Variants in CAMTA1 observed in about 807,000 individuals in gnomAD.
The protein encoded by CAMTA1 is calmodulin binding transcription activator 1.
In CAMTA1, 27 loss-of-function variants were observed where a neutral mutation model predicts 170.9. The ratio of observed to expected loss-of-function variants is 0.16; its 90% CI spans 0.12 to 0.22. The LOEUF is 0.22. CAMTA1 is among the 10% of genes least tolerant of loss of function. CAMTA1 has a pLI of 1.00. For synonymous variants in CAMTA1, 833 were observed against 891.5 expected (o/e 0.93, Z 1.17); for missense variants, 1,619 against 2,217.2 (o/e 0.73, Z 5.42).
At chr1:7,141,122 A>G (rs1313611686) in intron 4 of CAMTA1, among the ~76,000 whole-genome samples, 4 of 152,096 alleles carry the variant, frequency 2.6e-5, no homozygotes, top group Non-Finnish European at 5.9e-5. Flanking sequence ...CCCTCTGTAT[A>G]TGGTGCTGTC....
intron 6 of CAMTA1, among the ~76,000 whole-genome samples, chr1:7,601,844 G>C (rs2095446281): frequency 6.6e-6 from 1 of 152,066 alleles, no homozygotes; most frequent in South Asian, 2.1e-4. Context: ...GGCAGGCTGA[G>C]GCAGGAGAAT....
rs563990370 is a variant in CAMTA1 at position 7,241,923 on chromosome 1, A to G, written c.303-7568A>G. On this transcript the variant is annotated intron_variant, in intron 4 of 22. Transcript: ENST00000303635. ...CCTTAGATGAGACTAAGTACTATTC[A>G]TAAAAGAAAAAATTGATAAATTGGA... 1.2e-3 allele frequency among the ~76,000 whole-genome samples: 189 copies of G among 152,340 alleles called. 1 individual carries two copies. The highest frequency in any genetic ancestry group is 4.3e-3 in the African/African-American group (180 of 41,576).
At chr1:6,884,996 CTCTT>C (rs1450660074) in intron 3 of CAMTA1, among the ~76,000 whole-genome samples, 2 of 152,196 alleles carry the variant, frequency 1.3e-5, no homozygotes, top group African/African-American at 4.8e-5. Flanking sequence ...TTCTTAAACT[CTCTT>C]TATTCTAATT....
chr1:7,343,249 G>A (rs1247925423), intron 5 of CAMTA1, among the ~76,000 whole-genome samples: 1 of 152,182 alleles, frequency 6.6e-6, no homozygotes, highest in Non-Finnish European at 1.5e-5. Context: ...TTGGGGTGTG[G>A]GAGGGGAAGG....
intron 5 of CAMTA1, among the ~76,000 whole-genome samples, chr1:7,371,676 G>A (rs774137444): frequency 5.3e-5 from 8 of 152,194 alleles, no homozygotes; most frequent in Non-Finnish European, 1.0e-4. Flanking sequence ...GGAATGGCCC[G>A]GCCTCTGTGG....
At chr1:7,329,917 T>C (rs2301461) in intron 5 of CAMTA1, among the ~76,000 whole-genome samples, 112,764 of 152,084 alleles carry the variant, frequency 0.74, 42,686 homozygotes, top group African/African-American at 0.88. Flanking sequence ...CAAAAAGATA[T>C]GCAGTAAGAA....
chr1:7,277,049 C>T (rs1221587224), intron 5 of CAMTA1, among the ~76,000 whole-genome samples: 1 of 152,132 alleles, frequency 6.6e-6, no homozygotes, highest in Non-Finnish European at 1.5e-5. Context: ...TAACACATTG[C>T]TGACAGAAAT....
At chr1:7,310,678 TTCTCTCTCTCTCTCTCTC>T (rs70984069) in intron 5 of CAMTA1, among the ~76,000 whole-genome samples, 3 of 34,608 alleles carry the variant, frequency 8.7e-5, no homozygotes, top group Admixed American at 3.8e-4. Context: ...TTTCCTTTCT[TTCTCTCTCTCTCTCTCTC>T]TCTCTCTTTC....
chr1:6,899,554 G>GCTCACA (rs1306510241), intron 3 of CAMTA1, among the ~76,000 whole-genome samples: 6 of 141,086 alleles, frequency 4.3e-5, no homozygotes, highest in African/African-American at 7.7e-5. Flanking sequence ...ACGCGCGCGC[G>GCTCACA]CACACACACA....
chr1:7,554,783 G>A (rs905153294), intron 6 of CAMTA1, among the ~76,000 whole-genome samples: 6 of 151,918 alleles, frequency 3.9e-5, no homozygotes, highest in Non-Finnish European at 7.4e-5. Context: ...CCAGTTCCTG[G>A]AACCCCTTAT....
intron 6 of CAMTA1, among the ~76,000 whole-genome samples, chr1:7,480,392 T>TGA (rs763358423): frequency 1.3e-5 from 2 of 151,374 alleles, no homozygotes; most frequent in East Asian, 3.9e-4. Flanking sequence ...TGTGCGTATA[T>TGA]GAGAGTGTGT....
In CAMTA1 at chr1:7,663,544, C is replaced by T. The variant is rs1333593251; in HGVS notation, c.997C>T (p.Pro333Ser). The T allele has an allele frequency of 1.2e-6, 2 of 1,607,178 alleles. No homozygotes were observed. The highest frequency in any genetic ancestry group is 1.7e-6 in the Non-Finnish European group (2 of 1,174,398). Reference sequence around the variant, plus strand: ...GAAGAGGAACGGCAAGGTGGCCAAGCCCGTGCTCCTGCACCAGAGCAGCAC... The same window carrying T: ...GAAGAGGAACGGCAAGGTGGCCAAGTCCGTGCTCCTGCACCAGAGCAGCAC... The part of the protein sequence containing the change: ...REKRNGKVAK[P>S]VLLHQSSTEV... The change falls in exon 9 of 23, where the codon CCC becomes TCC. Residue 333 changes from proline to serine, a missense_variant. Around this residue, in one of 8 missense-constraint regions of CAMTA1, gnomAD observed 731 missense variants for 907.6 expected, o/e 0.81. Transcript: ENST00000303635.
intron 4 of CAMTA1, among the ~76,000 whole-genome samples, chr1:7,149,508 C>T (rs1646440842): frequency 6.6e-6 from 1 of 152,326 alleles, no homozygotes; most frequent in East Asian, 1.9e-4. Flanking sequence ...TCGTAACGGC[C>T]GTGTGGCCGC....
chr1:6,916,391 G>A (rs570363950), intron 3 of CAMTA1, among the ~76,000 whole-genome samples: 5 of 152,258 alleles, frequency 3.3e-5, no homozygotes, highest in South Asian at 4.1e-4. Flanking sequence ...TGTAAGGCCC[G>A]CCCCACCTCT....
chr1:7,024,802 G>A (rs1701817915), intron 3 of CAMTA1, among the ~76,000 whole-genome samples: 1 of 152,178 alleles, frequency 6.6e-6, no homozygotes, highest in Non-Finnish European at 1.5e-5. Context: ...GAAGTAAAGT[G>A]CCATATGAAT....
intron 4 of CAMTA1, among the ~76,000 whole-genome samples, chr1:7,225,680 G>A (rs1469034341): frequency 1.3e-5 from 2 of 152,208 alleles, no homozygotes; most frequent in African/African-American, 2.4e-5. Context: ...GCAGGATTTC[G>A]GGGGTTCACT....
chr1:7,611,192 G>GA (rs1311956405), intron 6 of CAMTA1, among the ~76,000 whole-genome samples: 1 of 152,226 alleles, frequency 6.6e-6, no homozygotes, highest in African/African-American at 2.4e-5. Context: ...CAGAGTTGGG[G>GA]ATAAGAGACC....
chr1:7,586,318 TG>T (rs2095309477), intron 6 of CAMTA1, among the ~76,000 whole-genome samples: 1 of 152,170 alleles, frequency 6.6e-6, no homozygotes, highest in Non-Finnish European at 1.5e-5. Flanking sequence ...GAAATGTCCT[TG>T]GCTCAAATGT....
chr1:7,494,873 G>A (rs2093800403), intron 6 of CAMTA1, among the ~76,000 whole-genome samples: 1 of 152,180 alleles, frequency 6.6e-6, no homozygotes, highest in Non-Finnish European at 1.5e-5. Flanking sequence ...GAACAAGTAG[G>A]GAACAGGCAG....
Sources: allele counts gnomAD v4.1 joint callset (sites outside exome capture counted in the v4.1 genomes callset), GRCh38; gene constraint gnomAD v4.1.1; regional missense constraint gnomAD v4.1.1; transcripts MANE v1.5; gene names NCBI Gene and HGNC (gene_info 2026-07-23, HGNC 2026-07-21).